RNFT2: variants seen among roughly 807,000 people sequenced by gnomAD.
RNFT2 encodes ring finger protein, transmembrane 2, also known as E3 ubiquitin-protein ligase RNFT2.
In RNFT2, 36 loss-of-function variants were observed where a neutral mutation model predicts 53.0. That is an observed-to-expected ratio of 0.68 (90% CI 0.52 to 0.90). The LOEUF (loss-of-function observed/expected upper bound fraction) is 0.90. RNFT2 is among the 40% of genes least tolerant of loss of function. RNFT2 has a pLI of 0.00. For missense variants in RNFT2, 514 were observed against 585.6 expected, an observed-to-expected ratio of 0.88 and a Z score of 1.26; for synonymous variants, 260 against 253.2, an observed-to-expected ratio of 1.03 and a Z score of -0.26.
In RNFT2 at chr12:116,851,549, G is replaced by GA; in HGVS notation, c.*2101_*2102insA. ...AGGTCAAGAGTTCAAGACTAGCCTG[G>GA]CCAACATGGCAAAACCCCCTCTTTA... On this transcript the variant is annotated 3_prime_UTR_variant, in exon 11 of 11. Coordinates refer to ENST00000257575, the MANE Select transcript of RNFT2 (RefSeq NM_001382266.1). 1 of 561,776 alleles carries GA rather than the reference G, an allele frequency of 1.8e-6. No homozygotes were observed. The highest frequency in any genetic ancestry group is 2.1e-5 in the South Asian group (1 of 48,076). The allele number at this position is 561,776 out of a possible 1,614,324, so 34.8% of individuals were successfully genotyped here.
intron 7 of RNFT2, among the ~76,000 whole-genome samples, chr12:116,788,370 G>C (rs1329328804): frequency 6.6e-6 from 1 of 152,182 alleles, no homozygotes; most frequent in African/African-American, 2.4e-5. Flanking sequence ...AGAGTGGGCT[G>C]CTTGCTGCCC....
chr12:116,815,873 C>G (rs1014239609), intron 7 of RNFT2, among the ~76,000 whole-genome samples: 1 of 151,958 alleles, frequency 6.6e-6, no homozygotes, highest in Non-Finnish European at 1.5e-5. Context: ...CAGGACAGAT[C>G]CACACTTGAG....
At chr12:116,740,172 C>T (rs1368328954) in intron 1 of RNFT2, among the ~76,000 whole-genome samples, 173 bp from the exon 2 acceptor site, 1 of 151,534 alleles carries the variant, frequency 6.6e-6, no homozygotes, top group Admixed American at 6.6e-5. Context: ...CAAGATCGCA[C>T]CACTCCGTCT....
intron 10 of RNFT2, among the ~76,000 whole-genome samples, chr12:116,841,339 G>A (rs1378105738): frequency 6.6e-6 from 1 of 152,148 alleles, no homozygotes; most frequent in Non-Finnish European, 1.5e-5. Context: ...TGTGGTCCCA[G>A]CTACTCAGAA....
intron 7 of RNFT2, among the ~76,000 whole-genome samples, chr12:116,782,948 G>A (rs1873778992): frequency 6.6e-6 from 1 of 152,092 alleles, no homozygotes; most frequent in Admixed American, 6.6e-5. Context: ...ATTTTAGTAT[G>A]CCAGGACCCT....
At chr12:116,798,144 A>G (rs1307427289) in intron 7 of RNFT2, among the ~76,000 whole-genome samples, 1 of 152,108 alleles carries the variant, frequency 6.6e-6, no homozygotes, top group Non-Finnish European at 1.5e-5. Context: ...CACAGAGGAA[A>G]GATCACGTGA....
chr12:116,789,369 G>A (rs62637841), intron 7 of RNFT2, among the ~76,000 whole-genome samples: 2,001 of 146,650 alleles, frequency 0.014, 31 homozygotes, highest in Non-Finnish European at 0.017. Context: ...TGGGTAAATG[G>A]GAGGAGAGTG....
At chr12:116,785,782 C>T (rs1372995862) in intron 7 of RNFT2, among the ~76,000 whole-genome samples, 1 of 152,126 alleles carries the variant, frequency 6.6e-6, no homozygotes, top group Non-Finnish European at 1.5e-5. Context: ...GGCATTGTGG[C>T]TCACACCTGT....
At chr12:116,832,148 A>AAAAAT (rs1555209702) in intron 7 of RNFT2, among the ~76,000 whole-genome samples, 14 of 55,172 alleles carry the variant, frequency 2.5e-4, no homozygotes, top group African/African-American at 9.8e-4. Context: ...AAAAAAAAAA[A>AAAAAT]ATATATATAT....
chr12:116,793,735 G>A (rs1385824661), intron 7 of RNFT2, among the ~76,000 whole-genome samples: 2 of 152,076 alleles, frequency 1.3e-5, no homozygotes, highest in Non-Finnish European at 2.9e-5. Context: ...CTTGGATCTC[G>A]ACTCCAATGT....
chr12:116,841,203 A>G (rs1363627730), intron 10 of RNFT2, among the ~76,000 whole-genome samples: 1 of 152,082 alleles, frequency 6.6e-6, no homozygotes, highest in Non-Finnish European at 1.5e-5. Context: ...TATAATCCCA[A>G]CACTTTGGGA....
chr12:116,848,046 T>C (rs1362729921), intron 10 of RNFT2, among the ~76,000 whole-genome samples: 3 of 152,154 alleles, frequency 2.0e-5, no homozygotes, highest in Non-Finnish European at 2.9e-5. Flanking sequence ...CCTCCCTGTA[T>C]CCATGTGTTC....
intron 10 of RNFT2, among the ~76,000 whole-genome samples, chr12:116,848,466 C>T (rs1455541339): frequency 6.6e-6 from 1 of 152,044 alleles, no homozygotes; most frequent in African/African-American, 2.4e-5. Context: ...CCTTACTTCT[C>T]TCAGAATAAG....
In RNFT2 at chr12:116,753,142, CTTTTTCTTTTTT is replaced by C. The variant is rs1404000517; in HGVS notation, c.551-836_551-825del. Among the ~76,000 whole-genome samples, 377 of 70,912 alleles carry C rather than the reference CTTTTTCTTTTTT, an allele frequency of 5.3e-3. 2 individuals are homozygous for C. Among genetic ancestry groups the C allele is most frequent in the African/African-American group, 0.016 (359 of 22,284 alleles). 46.5% of individuals were successfully genotyped at this position (70,912 alleles called of 152,430 possible). A position where few individuals can be genotyped will look rare whatever the true frequency, so the allele number is the denominator to read the frequency against. On this transcript the variant is annotated intron_variant, in intron 4 of 10. Transcript: ENST00000257575. ...TGTAAGTTTTTTCTTTTTCTTTTTTCTTTTTCTTTTTTTTTTTTTTTTTTTTGAGACAGAGTC... is the reference window on the plus strand; with the variant it reads ...TGTAAGTTTTTTCTTTTTCTTTTTTCTTTTTTTTTTTTTTGAGACAGAGTC...
At chr12:116,812,665 G>A (rs1875446741) in intron 7 of RNFT2, among the ~76,000 whole-genome samples, 1 of 151,528 alleles carries the variant, frequency 6.6e-6, no homozygotes, top group Non-Finnish European at 1.5e-5. Context: ...CTCCTGAGTA[G>A]CTGCGATTAC....
chr12:116,800,802 A>T lies in RNFT2; in HGVS notation c.882+21454A>T, dbSNP rs973539536. ...GCACTCCAGCCCAGGTGACAGAGCA[A>T]GACTCCATCTTAAAATAAAATAAAA... On this transcript the variant is annotated intron_variant, in intron 7 of 10. Transcript: ENST00000257575. Among the ~76,000 whole-genome samples the T allele has an allele frequency of 2.2e-4, 30 of 138,312 alleles. 1 individual carries two copies. Among genetic ancestry groups the T allele is most frequent in the Admixed American group, 7.5e-4 (10 of 13,408 alleles). The allele number at this position is 138,312 out of a possible 152,430, so 90.7% of individuals were successfully genotyped here. A position where few individuals can be genotyped will look rare whatever the true frequency, so the allele number is the denominator to read the frequency against.
At chr12:116,802,821 G>A (rs139645560) in intron 7 of RNFT2, among the ~76,000 whole-genome samples, 2,948 of 152,208 alleles carry the variant, frequency 0.019, 51 homozygotes, top group Middle Eastern at 0.034. Flanking sequence ...TGGGCCTGGC[G>A]CAGTGGCTCA....
Position 116,803,823 on chromosome 12 carries a change from G to C in RNFT2, c.882+24475G>C, listed in dbSNP as rs993401068. Among the ~76,000 whole-genome samples the C allele has an allele frequency of 2.0e-5, 3 of 152,318 alleles. No homozygotes were observed. The East Asian group carries it at 5.8e-4, about 29-fold the overall frequency. On this transcript the variant is annotated intron_variant, in intron 7 of 10. Transcript: ENST00000257575. ...AGTCTCCACTGGAACCTCAACATCA[G>C]GGGGCCAATGAGGGAAGGGAAACTG...
intron 7 of RNFT2, among the ~76,000 whole-genome samples, chr12:116,785,423 G>T (rs187561457): frequency 3.0e-4 from 45 of 152,206 alleles, no homozygotes; most frequent in Admixed American, 9.8e-4. Context: ...CTCCTGAGTA[G>T]CTGGGACTGC....
Sources: gnomAD v4.1 joint callset for allele counts (sites outside exome capture counted in the v4.1 genomes callset) on GRCh38, gnomAD v4.1.1 for gene constraint, MANE v1.5 for transcripts, NCBI Gene and HGNC (gene_info 2026-07-23, HGNC 2026-07-21) for gene names.